ZNF474: variants seen among roughly 807,000 people sequenced by gnomAD.
The protein encoded by ZNF474 is 4933409D10Rik.
For missense variants in ZNF474, 511 were observed against 433.8 expected, an observed-to-expected ratio of 1.18 and a Z score of -1.58; for synonymous variants, 192 against 162.2, an observed-to-expected ratio of 1.18 and a Z score of -1.39.
chr5:122,133,647 C>T (rs902920581), intron 1 of ZNF474, among the ~76,000 whole-genome samples: 1 of 152,172 alleles, frequency 6.6e-6, no homozygotes, highest in Non-Finnish European at 1.5e-5. Flanking sequence ...GCACCCTCGA[C>T]CTCCTGGGCT....
intron 1 of ZNF474, among the ~76,000 whole-genome samples, chr5:122,139,281 A>G (rs571067619): frequency 6.6e-6 from 1 of 152,348 alleles, no homozygotes; most frequent in East Asian, 1.9e-4. Context: ...AGTTTTCAAC[A>G]GAGATTCCCA....
At position 122,153,088 on chromosome 5, in the gene ZNF474, G is replaced by T; in HGVS notation, c.*3G>T. The T allele has an allele frequency of 6.3e-7, 1 of 1,598,468 alleles. No homozygotes were observed. The highest frequency in any genetic ancestry group is 8.5e-7 in the Non-Finnish European group (1 of 1,171,322). ...CTGGTGGTGCCCTCTGCCTGTAGGGGAACAAGAGAAAACTATCCCCAGAAT... is the reference window on the plus strand; with the variant it reads ...CTGGTGGTGCCCTCTGCCTGTAGGGTAACAAGAGAAAACTATCCCCAGAAT... On this transcript the variant is annotated 3_prime_UTR_variant, in exon 2 of 2. Transcript: ENST00000296600.
chr5:122,135,308 A>C (rs1021431294), intron 1 of ZNF474, among the ~76,000 whole-genome samples: 1 of 152,218 alleles, frequency 6.6e-6, no homozygotes, highest in African/African-American at 2.4e-5. Context: ...CATCTCAAAA[A>C]ATTTTTTTAA....
At chr5:122,144,075 A>T (rs1317310972) in intron 1 of ZNF474, among the ~76,000 whole-genome samples, 4 of 152,086 alleles carry the variant, frequency 2.6e-5, no homozygotes, top group Non-Finnish European at 5.9e-5. Context: ...TAACCCTTTA[A>T]TAACTTATGA....
intron 1 of ZNF474, among the ~76,000 whole-genome samples, chr5:122,145,949 G>A (rs1301219448): frequency 1.3e-5 from 2 of 152,162 alleles, no homozygotes; most frequent in East Asian, 1.9e-4. Flanking sequence ...CGCACAGACT[G>A]GCTGGTGATT....
At position 122,151,705 on chromosome 5, in the gene ZNF474, A is replaced by ATGTG. The variant is rs145270704; in HGVS notation, c.-212-44_-212-41dup. ...CACACACACACACAAAACAACCTAA[A>ATGTG]TGTGTGTGTGTGTGTGTGTGTGTGT... On this transcript the variant is annotated intron_variant, in intron 1 of 1. Transcript: ENST00000296600. The ATGTG allele has an allele frequency of 4.5e-3, 920 of 206,022 alleles. 6 individuals are homozygous for ATGTG. The highest frequency in any genetic ancestry group is 8.3e-3 in the African/African-American group (337 of 40,446). The allele number at this position is 206,022 out of a possible 1,614,324, so 12.8% of individuals were successfully genotyped here.
In ZNF474 at chr5:122,130,512, C is replaced by G. The variant is rs77731334; in HGVS notation, c.-213+829C>G. 9.7e-3 allele frequency among the ~76,000 whole-genome samples: 1,471 copies of G among 152,180 alleles called. 25 individuals are homozygous for G. Among genetic ancestry groups the G allele is most frequent in the African/African-American group, 0.033 (1,387 of 41,520 alleles). ...AGCATTTCAATGTGGGTTTTTAAGT[C>G]AGTAGTACAATTCTTTTTAAAGGTA... On this transcript the variant is annotated intron_variant, in intron 1 of 1. Coordinates refer to ENST00000296600, the MANE Select transcript of ZNF474 (RefSeq NM_207317.3).
At chr5:122,146,835 G>A (rs566704338) in intron 1 of ZNF474, among the ~76,000 whole-genome samples, 5 of 152,276 alleles carry the variant, frequency 3.3e-5, no homozygotes, top group South Asian at 4.1e-4. Flanking sequence ...CTGCTAAAGC[G>A]CCAGTCATCA....
chr5:122,138,630 C>G (rs952713986), intron 1 of ZNF474, among the ~76,000 whole-genome samples: 1 of 152,192 alleles, frequency 6.6e-6, no homozygotes, highest in East Asian at 1.9e-4. Context: ...TAGTTACAAT[C>G]CAGCATATCA....
At chr5:122,146,982 A>G (rs1213937413) in intron 1 of ZNF474, among the ~76,000 whole-genome samples, 1 of 152,244 alleles carries the variant, frequency 6.6e-6, no homozygotes, top group Non-Finnish European at 1.5e-5. Flanking sequence ...TGCCCAGCTG[A>G]AAGTTGGGGC....
intron 1 of ZNF474, among the ~76,000 whole-genome samples, chr5:122,136,007 G>T (rs1373604883): frequency 6.6e-6 from 1 of 152,062 alleles, no homozygotes; most frequent in East Asian, 1.9e-4. Flanking sequence ...AATGGGAAAT[G>T]AATAAATAGG....
intron 1 of ZNF474, among the ~76,000 whole-genome samples, chr5:122,131,071 A>G (rs1395373056): frequency 1.3e-5 from 2 of 152,216 alleles, no homozygotes; most frequent in East Asian, 1.9e-4. Flanking sequence ...ACCATCACTA[A>G]TCATTAGGGA....
intron 1 of ZNF474, among the ~76,000 whole-genome samples, chr5:122,139,399 C>T (rs554279340): frequency 6.6e-6 from 1 of 152,240 alleles, no homozygotes; most frequent in Non-Finnish European, 1.5e-5. Flanking sequence ...ATGTAATGAT[C>T]TTTCATGTAA....
chr5:122,145,433 A>G (rs13167959), intron 1 of ZNF474, among the ~76,000 whole-genome samples: 1 of 152,290 alleles, frequency 6.6e-6, no homozygotes, highest in East Asian at 1.9e-4. Flanking sequence ...ATGCAGAACC[A>G]GTGAGAATGA....
At chr5:122,151,729 G>GTGTGTT (rs1455277653) in intron 1 of ZNF474, 50 bp from the exon 2 acceptor site, 1 of 371,554 alleles carries the variant, frequency 2.7e-6, no homozygotes, top group Non-Finnish European at 5.0e-6. Context: ...GTGTGTGTGT[G>GTGTGTT]TGTGTGTGTT....
chr5:122,151,713 G>C (rs929770201), intron 1 of ZNF474, 66 bp from the exon 2 acceptor site: 11 of 305,684 alleles, frequency 3.6e-5, no homozygotes, highest in African/African-American at 1.7e-4. Context: ...AAATGTGTGT[G>C]TGTGTGTGTG....
At chr5:122,129,841 G>A (rs941833951) in intron 1 of ZNF474, 158 bp downstream of exon 1, 4 of 152,068 alleles carry the variant, frequency 2.6e-5, no homozygotes, top group Middle Eastern at 3.4e-3. Flanking sequence ...ATATTTCCTT[G>A]CTATTGGGAA....
intron 1 of ZNF474, among the ~76,000 whole-genome samples, chr5:122,138,637 A>G (rs1406586780): frequency 3.3e-5 from 5 of 152,244 alleles, no homozygotes; most frequent in African/African-American, 1.2e-4. Context: ...AATCCAGCAT[A>G]TCATCACTAA....
Position 122,152,664 on chromosome 5 carries a change from A to G in ZNF474, c.674A>G (p.Tyr225Cys), listed in dbSNP as rs745631918. 3 of 1,614,088 alleles carry G rather than the reference A, an allele frequency of 1.9e-6. No individual in the cohort carries two copies. In the South Asian group the frequency reaches 3.3e-5, roughly 18 times the overall value. Residue 225 changes from tyrosine to cysteine, a missense_variant, in exon 2 of 2, where the codon TAC becomes TGC. By Grantham distance (194) the Tyr-to-Cys change is radical. Transcript: ENST00000296600. Reference sequence around the variant, plus strand: ...GCCCGACCAAGGACTGTTATCTGCTACATATGTGGTAAGGAATTTGGCACC... The same window carrying G: ...GCCCGACCAAGGACTGTTATCTGCTGCATATGTGGTAAGGAATTTGGCACC... ...TPARPRTVIC[Y>C]ICGKEFGTLS...
Sources: allele counts gnomAD v4.1 joint callset (sites outside exome capture counted in the v4.1 genomes callset), GRCh38; gene constraint gnomAD v4.1.1; transcripts MANE v1.5; gene names NCBI Gene and HGNC (gene_info 2026-07-23, HGNC 2026-07-21).